The following VSIR variants were observed in gnomAD, a reference collection of about 807,000 sequenced individuals.
The protein encoded by VSIR is V-set immunoregulatory receptor, also known as V-type immunoglobulin domain-containing suppressor of T-cell activation.
In VSIR, 10 loss-of-function variants were observed where a neutral mutation model predicts 31.0. That is an observed-to-expected ratio of 0.32 (90% confidence interval 0.20 to 0.55). VSIR has a LOEUF of 0.55. Ranked by LOEUF, VSIR falls within the 20% of genes least tolerant of loss-of-function variation. The pLI, the probability that VSIR is intolerant of heterozygous loss-of-function variation, is 0.93. For synonymous variants in VSIR, 179 were observed against 180.1 expected (o/e 0.99, Z 0.05); for missense variants, 356 against 416.2 (o/e 0.86, Z 1.26).
intron 3 of VSIR, among the ~76,000 whole-genome samples, chr10:71,759,854 C>CACACACACATATATACACACACACAT (rs1482468493): frequency 1.8e-5 from 2 of 109,200 alleles, no homozygotes; most frequent in South Asian, 3.0e-4. Context: ...CACATATACA[C>CACACACACATATATACACACACACAT]ACACACACAC....
intron 4 of VSIR, among the ~76,000 whole-genome samples, chr10:71,754,269 T>C (rs1029544639): frequency 3.3e-5 from 5 of 152,016 alleles, no homozygotes; most frequent in Non-Finnish European, 5.9e-5. Context: ...ATAGGGGAGT[T>C]CTGAAAGCAA....
chr10:71,766,498 G>T (rs1840548058), intron 1 of VSIR, among the ~76,000 whole-genome samples: 1 of 152,198 alleles, frequency 6.6e-6, no homozygotes, highest in Non-Finnish European at 1.5e-5. Context: ...TGTCCACTTA[G>T]TTGTGCCCTC....
intron 1 of VSIR, among the ~76,000 whole-genome samples, chr10:71,766,288 G>A (rs536817981): frequency 1.3e-5 from 2 of 152,252 alleles, no homozygotes; most frequent in African/African-American, 4.8e-5. Context: ...AATGACCCGG[G>A]GCCTGGGCCT....
At chr10:71,765,981 C>G (rs2090885257) in intron 1 of VSIR, among the ~76,000 whole-genome samples, 1 of 152,130 alleles carries the variant, frequency 6.6e-6, no homozygotes, top group South Asian at 2.1e-4. Context: ...TGGGACAAGG[C>G]CCACAGCAGC....
intron 4 of VSIR, 116 bp from the exon 5 acceptor site, chr10:71,753,118 G>T: frequency 8.1e-7 from 1 of 1,234,420 alleles, no homozygotes. Context: ...GGAGGGCCCT[G>T]CACAGCTCCG....
At chr10:71,764,142 G>T (rs1251381930) in intron 1 of VSIR, among the ~76,000 whole-genome samples, 1 of 152,196 alleles carries the variant, frequency 6.6e-6, no homozygotes, top group Non-Finnish European at 1.5e-5. Context: ...GTTCCAGAGG[G>T]TATGATCTCA....
chr10:71,757,529 C>G (rs914770641), intron 3 of VSIR: 5 of 152,430 alleles, frequency 3.3e-5, no homozygotes, highest in African/African-American at 1.2e-4. Context: ...CCAAGCGTGG[C>G]CAGTGCCTGG....
At position 71,768,417 on chromosome 10, in the gene VSIR, C is replaced by T. The variant is rs368115113; in HGVS notation, c.82+4941G>A. 1.2e-3 allele frequency among the ~76,000 whole-genome samples: 185 copies of T among 152,224 alleles called. No homozygotes were observed. The South Asian group carries it at 0.018, about 15-fold the overall frequency. On this transcript the variant is annotated intron_variant, in intron 1 of 6. Coordinates refer to ENST00000394957, the MANE Select transcript of VSIR (RefSeq NM_022153.2). ...AACTCCTGACCTCATGTGATCCACC[C>T]GCCTCGTCCTCCCCAAGTGCTGGGA...
At chr10:71,759,764 A>G (rs567890948) in intron 3 of VSIR, among the ~76,000 whole-genome samples, 71 of 151,200 alleles carry the variant, frequency 4.7e-4, no homozygotes, top group African/African-American at 1.7e-3. Context: ...GTGAGCCCAG[A>G]TCGCGCCACT....
At chr10:71,771,285 G>T (rs1235972093) in intron 1 of VSIR, among the ~76,000 whole-genome samples, 2 of 152,126 alleles carry the variant, frequency 1.3e-5, no homozygotes, top group Non-Finnish European at 2.9e-5. Flanking sequence ...GGGTATCTTT[G>T]GTGTTTCCTG....
Position 71,760,913 on chromosome 10 carries a change from G to A in VSIR, c.523C>T (p.Pro175Ser), listed in dbSNP as rs1158215128. The change falls in exon 3 of 7, where the codon CCA (proline) becomes TCA (serine). Residue 175 changes from proline to serine, a missense_variant. Transcript: ENST00000394957. Reference protein sequence around the residue: ...ELQVQTGKDAPSNCVVYPSSS... With the variant: ...ELQVQTGKDASSNCVVYPSSS... ...GATGGGTACACCACACAGTTGGATG[G>A]TGCATCTTTGCCTGTGGGAACAAAC... 3 of 1,613,828 alleles carry A rather than the reference G, an allele frequency of 1.9e-6. No homozygotes were observed. Among genetic ancestry groups the A allele is most frequent in the South Asian group, 1.1e-5 (1 of 91,076 alleles).
At chr10:71,773,331 C>A in intron 1 of VSIR, 27 bp downstream of exon 1, 1 of 1,584,592 alleles carries the variant, frequency 6.3e-7, no homozygotes, top group East Asian at 2.3e-5. Context: ...CAGCTTTTTC[C>A]CAGCGCCCCG....
At position 71,761,914 on chromosome 10, in the gene VSIR, A is replaced by ATCG; in HGVS notation, c.192_194dup (p.Asp65dup). On this transcript the variant is annotated inframe_insertion, in exon 2 of 7. Transcript: ENST00000394957. ...GGTACCACGTCTTGTAGAAGGTCAC[A>ATCG]TCGTGCCCTTTGTCCACAGGGCCCA... is the stretch of plus-strand genomic sequence containing the variant. 6.2e-7 allele frequency: 1 copy of ATCG among 1,614,084 alleles called. No individual in the cohort carries two copies. The highest frequency in any genetic ancestry group is 1.1e-5 in the South Asian group (1 of 91,088).
chr10:71,760,028 C>CACACACACATATATAT (rs1564779681), intron 3 of VSIR, among the ~76,000 whole-genome samples: 3 of 47,190 alleles, frequency 6.4e-5, no homozygotes, highest in African/African-American at 1.9e-4. Context: ...CACATATATA[C>CACACACACATATATAT]ACACACACAC....
rs778702678 is a variant in VSIR, at chr10:71,761,752, C to T, written c.357G>A (p.Leu119=). 2 of 1,614,158 alleles carry T rather than the reference C, an allele frequency of 1.2e-6. No individual in the cohort carries two copies. Among genetic ancestry groups the T allele is most frequent in the Non-Finnish European group, 1.7e-6 (2 of 1,180,040 alleles). ...TSHDLAQRHG[L]ESASDHHGNF... ...TGCCATGGTGGTCGGAGGCCGACTC[C>T]AGCCCGTGGCGCTGAGCCAGGTCGT... Residue 119 remains leucine (L), a synonymous_variant, in exon 2 of 7, where the codon CTG becomes CTA. Transcript: ENST00000394957.
At chr10:71,753,147 A>T in intron 4 of VSIR, 145 bp from the exon 5 acceptor site, 2 of 862,752 alleles carry the variant, frequency 2.3e-6, no homozygotes, top group South Asian at 1.8e-5. Context: ...TTCTTTTCAC[A>T]TGGGTGCTGT....
At chr10:71,758,156 C>T (rs1410720749) in intron 3 of VSIR, among the ~76,000 whole-genome samples, 1 of 152,110 alleles carries the variant, frequency 6.6e-6, no homozygotes, top group South Asian at 2.1e-4. Flanking sequence ...CAACATGGCT[C>T]TGACCAAAAT....
At position 71,747,905 on chromosome 10, in the gene VSIR, G is replaced by A. The variant is rs904183798; in HGVS notation, c.*3348C>T. ...AGCCTCCATGGGGTGAAGAGAAGCA[G>A]CAATGCAAAGCAGGGAATGCCCAGG... On this transcript the variant is annotated 3_prime_UTR_variant, in exon 7 of 7. Transcript: ENST00000394957. The A allele has an allele frequency of 2.6e-5, 4 of 152,360 alleles. No individual in the cohort carries two copies. The highest frequency in any genetic ancestry group is 9.6e-5 in the African/African-American group (4 of 41,466). The allele number at this position is 152,360 out of a possible 1,614,324, so 9.4% of individuals were successfully genotyped here. A position where few individuals can be genotyped will look rare whatever the true frequency, so the allele number is the denominator to read the frequency against.
At chr10:71,767,138 TAC>T (rs1197453823) in intron 1 of VSIR, among the ~76,000 whole-genome samples, 5 of 152,348 alleles carry the variant, frequency 3.3e-5, no homozygotes, top group South Asian at 2.1e-4. Context: ...TCTGTCCCAG[TAC>T]AAGGGAAAGG....
Sources: gnomAD v4.1 joint callset for allele counts (sites outside exome capture counted in the v4.1 genomes callset) on GRCh38, gnomAD v4.1.1 for gene constraint, MANE v1.5 for transcripts, NCBI Gene and HGNC (gene_info 2026-07-23, HGNC 2026-07-21) for gene names.